KIAA1217: variants seen among roughly 807,000 people sequenced by gnomAD.
KIAA1217 encodes the protein sickle tail protein homolog.
KIAA1217 carries 88 observed loss-of-function variants against 163.9 expected under a neutral mutation model. That is an observed-to-expected ratio of 0.54 (90% CI 0.45 to 0.64). The LOEUF is 0.64. KIAA1217 is among the 30% of genes least tolerant of loss of function. The pLI is 0.00. For missense variants in KIAA1217, 2,372 were observed against 2,475.0 expected (o/e 0.96, Z 0.88); for synonymous variants, 903 against 923.1 (o/e 0.98, Z 0.39).
chr10:23,764,640 T>C (rs947893418), intron 1 of KIAA1217, among the ~76,000 whole-genome samples: 2 of 152,192 alleles, frequency 1.3e-5, no homozygotes, highest in African/African-American at 4.8e-5. Context: ...TCATGTCCTT[T>C]GCAGGGACAT....
intron 14 of KIAA1217, among the ~76,000 whole-genome samples, chr10:24,528,776 T>G (rs1189411514): frequency 3.9e-5 from 6 of 152,148 alleles, no homozygotes; most frequent in Non-Finnish European, 5.9e-5. Context: ...GGGAAAATAT[T>G]AGGCCTGCAT....
rs555028171 is a variant in KIAA1217, at chr10:23,853,330, G to A, written c.-320-153895G>A. Among the ~76,000 whole-genome samples the A allele has an allele frequency of 6.2e-3, 944 of 152,144 alleles. 3 individuals are homozygous for A. Among genetic ancestry groups the A allele is most frequent in the South Asian group, 9.9e-3 (48 of 4,828 alleles). On this transcript the variant is annotated intron_variant, in intron 1 of 18. Coordinates refer to the KIAA1217 transcript ENST00000376462. ...CTGGATTACATTTATTGATTTGCAT[G>A]TATTAAACCAGCCTTGCATCCCAGG...
intron 2 of KIAA1217, among the ~76,000 whole-genome samples, chr10:24,117,011 A>G (rs1250470523): frequency 1.3e-5 from 2 of 151,974 alleles, no homozygotes; most frequent in Non-Finnish European, 2.9e-5. Context: ...CTTGGTGATA[A>G]GGAAGGAAAT....
At chr10:24,022,563 A>G (rs1254588749) in intron 2 of KIAA1217, among the ~76,000 whole-genome samples, 1 of 151,810 alleles carries the variant, frequency 6.6e-6, no homozygotes, top group Non-Finnish European at 1.5e-5. Flanking sequence ...ATTCCTTACC[A>G]AGTTAAACAT....
chr10:23,870,120 G>A (rs867326342), intron 1 of KIAA1217, among the ~76,000 whole-genome samples: 41 of 152,046 alleles, frequency 2.7e-4, no homozygotes, highest in African/African-American at 9.2e-4. Flanking sequence ...CTATCTACCC[G>A]TTAAAAAGTA....
At chr10:23,721,607 C>T (rs58123004) in intron 1 of KIAA1217, among the ~76,000 whole-genome samples, 5,719 of 151,468 alleles carry the variant, frequency 0.038, 335 homozygotes, top group African/African-American at 0.13. Context: ...CCTAAACTAA[C>T]AAAGAGAATT....
At chr10:24,007,602 G>A (rs1283832609) in intron 2 of KIAA1217, among the ~76,000 whole-genome samples, 3 of 152,116 alleles carry the variant, frequency 2.0e-5, no homozygotes, top group African/African-American at 4.8e-5. Flanking sequence ...TGCGGACAGG[G>A]TTAGCACATA....
chr10:23,744,350 G>C (rs1839284634), intron 1 of KIAA1217, among the ~76,000 whole-genome samples: 1 of 152,122 alleles, frequency 6.6e-6, no homozygotes, highest in South Asian at 2.1e-4. Context: ...GTCAATTTTT[G>C]CTTCTAGAAA....
chr10:24,354,285 G>T (rs1017255960), intron 2 of KIAA1217, among the ~76,000 whole-genome samples: 1 of 152,176 alleles, frequency 6.6e-6, no homozygotes, highest in East Asian at 1.9e-4. Context: ...TGAGACAGGG[G>T]TGTGGCTAGT....
At chr10:24,376,196 A>G (rs2052464178) in intron 2 of KIAA1217, among the ~76,000 whole-genome samples, 1 of 152,264 alleles carries the variant, frequency 6.6e-6, no homozygotes, top group Non-Finnish European at 1.5e-5. Flanking sequence ...AGATCTTAGC[A>G]CTACCTAGCT....
intron 3 of KIAA1217, among the ~76,000 whole-genome samples, chr10:24,384,580 A>G (rs1001829583): frequency 9.2e-5 from 14 of 152,236 alleles, no homozygotes; most frequent in Admixed American, 7.2e-4. Flanking sequence ...AGTGTCGCCC[A>G]GGCTGGAGTG....
intron 2 of KIAA1217, among the ~76,000 whole-genome samples, chr10:24,075,003 A>T (rs2061322516): frequency 6.6e-6 from 1 of 151,836 alleles, no homozygotes; most frequent in South Asian, 2.1e-4. Flanking sequence ...CCAGCCTGGG[A>T]TTCTTATTTC....
intron 1 of KIAA1217, among the ~76,000 whole-genome samples, chr10:23,915,567 A>G (rs1400332443): frequency 6.6e-6 from 1 of 152,184 alleles, no homozygotes; most frequent in Non-Finnish European, 1.5e-5. Flanking sequence ...AAGGTAATGT[A>G]CCAAGATACC....
At chr10:23,994,603 G>C (rs533475048) in intron 1 of KIAA1217, among the ~76,000 whole-genome samples, 30 of 152,266 alleles carry the variant, frequency 2.0e-4, no homozygotes, top group African/African-American at 7.0e-4. Flanking sequence ...TCATGTCTGG[G>C]ATTGACCCTA....
chr10:23,884,629 C>T (rs961778851), intron 1 of KIAA1217, among the ~76,000 whole-genome samples: 19 of 151,922 alleles, frequency 1.3e-4, no homozygotes, highest in Admixed American at 2.6e-4. Context: ...GGTAGGGAGG[C>T]CTCTTTCTTG....
intron 6 of KIAA1217, among the ~76,000 whole-genome samples, chr10:24,485,612 C>T (rs1412392657): frequency 6.6e-6 from 1 of 152,154 alleles, no homozygotes; most frequent in Non-Finnish European, 1.5e-5. Context: ...ACCACCATAT[C>T]CCCAGCATCT....
chr10:24,276,921 T>TA (rs113866447), intron 2 of KIAA1217, among the ~76,000 whole-genome samples: 7 of 146,138 alleles, frequency 4.8e-5, no homozygotes, highest in East Asian at 4.0e-4. Context: ...TCCAGCTAAT[T>TA]AAAAAAAAAA....
At chr10:23,732,604 C>A (rs896329294) in intron 1 of KIAA1217, among the ~76,000 whole-genome samples, 1 of 152,220 alleles carries the variant, frequency 6.6e-6, no homozygotes, top group East Asian at 1.9e-4. Context: ...CTTTTGGTTT[C>A]ATTGATTTTC....
At chr10:24,034,107 C>T (rs1160214568) in intron 2 of KIAA1217, among the ~76,000 whole-genome samples, 2 of 152,172 alleles carry the variant, frequency 1.3e-5, no homozygotes, top group Non-Finnish European at 2.9e-5. Context: ...AAAGTGCTTT[C>T]GTATTCATTA....
Sources: allele counts gnomAD v4.1 joint callset (sites outside exome capture counted in the v4.1 genomes callset), GRCh38; gene constraint gnomAD v4.1.1; transcripts MANE v1.5; gene names NCBI Gene and HGNC (gene_info 2026-07-23, HGNC 2026-07-21).